N4BP1: variants seen among roughly 807,000 people sequenced by gnomAD.
N4BP1 encodes NEDD4-binding protein 1.
In N4BP1, 21 loss-of-function variants were observed where a neutral mutation model predicts 70.9. That is an observed-to-expected ratio of 0.30 (90% CI 0.21 to 0.43). The LOEUF (loss-of-function observed/expected upper bound fraction) is 0.43, where lower values mean the gene tolerates loss of function less well. Ranked by LOEUF, N4BP1 falls within the 20% of genes least tolerant of loss-of-function variation. The pLI is 1.00. For missense variants in N4BP1, 936 were observed against 1,069.4 expected (o/e 0.88, Z 1.74); for synonymous variants, 387 against 394.6 (o/e 0.98, Z 0.23).
chr16:48,604,984 T>TC (rs1267804159), intron 1 of N4BP1, among the ~76,000 whole-genome samples: 1 of 151,354 alleles, frequency 6.6e-6, no homozygotes, highest in Non-Finnish European at 1.5e-5. Flanking sequence ...CCCTGCCTGG[T>TC]CCCAGGAAGC....
intron 1 of N4BP1, among the ~76,000 whole-genome samples, chr16:48,599,975 T>C (rs1964472447): frequency 6.6e-6 from 1 of 152,244 alleles, no homozygotes; most frequent in African/African-American, 2.4e-5. Context: ...GTTTCTATTA[T>C]TGCAGGCAAA....
chr16:48,547,822 C>A (rs1039201666), intron 5 of N4BP1, among the ~76,000 whole-genome samples, 185 bp downstream of exon 5: 4 of 152,204 alleles, frequency 2.6e-5, no homozygotes, highest in African/African-American at 9.6e-5. Flanking sequence ...TGCTGGGCCC[C>A]CGCTTACCTG....
At chr16:48,600,976 T>TA (rs1279884767) in intron 1 of N4BP1, among the ~76,000 whole-genome samples, 1 of 152,248 alleles carries the variant, frequency 6.6e-6, no homozygotes, top group African/African-American at 2.4e-5. Context: ...TGGCTAGTGA[T>TA]ATATAAAATA....
chr16:48,582,706 T>C lies in N4BP1; in HGVS notation c.199-20262A>G, dbSNP rs187418185. 2.9e-3 allele frequency among the ~76,000 whole-genome samples: 440 copies of C among 152,250 alleles called. 1 individual carries two copies. Among genetic ancestry groups the C allele is most frequent in the Non-Finnish European group, 5.6e-3 (379 of 68,008 alleles). ...TATCTACGTATAGGAAAAAAAACGT[T>C]GTATATATAGGACTCGGTACCATCC... is the stretch of plus-strand genomic sequence containing the variant. On this transcript the variant is annotated intron_variant, in intron 1 of 6. Transcript: ENST00000262384.
chr16:48,545,475 G>A (rs1244000036), intron 6 of N4BP1, among the ~76,000 whole-genome samples: 1 of 151,382 alleles, frequency 6.6e-6, no homozygotes, highest in African/African-American at 2.4e-5. Flanking sequence ...CTACTTGGGA[G>A]GCTGAGGCAG....
intron 1 of N4BP1, among the ~76,000 whole-genome samples, chr16:48,609,048 CAAAA>C (rs746386089): frequency 3.3e-5 from 4 of 121,778 alleles, no homozygotes; most frequent in Non-Finnish European, 5.4e-5. Flanking sequence ...AATCCCCTAC[CAAAA>C]AAAAAAAAAA....
intron 1 of N4BP1, among the ~76,000 whole-genome samples, chr16:48,581,116 G>C (rs1221296605): frequency 6.6e-6 from 1 of 151,920 alleles, no homozygotes; most frequent in Non-Finnish European, 1.5e-5. Flanking sequence ...GGAATGCAAG[G>C]ATGGCTGAAC....
At chr16:48,557,505 T>C (rs1387721773) in intron 2 of N4BP1, among the ~76,000 whole-genome samples, 1 of 152,210 alleles carries the variant, frequency 6.6e-6, no homozygotes, top group Non-Finnish European at 1.5e-5. Flanking sequence ...TTTTTAAAAA[T>C]ACAGTGCCTG....
Position 48,562,394 on chromosome 16 carries a change from G to A in N4BP1, c.249C>T (p.Tyr83=), listed in dbSNP as rs1354537046. The part of the protein sequence containing the change: ...CEPELEEREC[Y]PKDMHCIFVG... Reference sequence around the variant, plus strand: ...CAAAAATGCAGTGCATGTCCTTGGGGTAACATTCTCTTTCTTCTAGTTCAG... The same window carrying A: ...CAAAAATGCAGTGCATGTCCTTGGGATAACATTCTCTTTCTTCTAGTTCAG... The change falls in exon 2 of 7, where the codon TAC becomes TAT. Residue 83 remains tyrosine, a synonymous_variant. Transcript: ENST00000262384. 1 of 1,612,992 alleles carries A rather than the reference G, an allele frequency of 6.2e-7. No homozygotes were observed. Among genetic ancestry groups the A allele is most frequent in the African/African-American group, 1.3e-5 (1 of 74,850 alleles).
Position 48,542,752 on chromosome 16 carries a change from C to T in N4BP1, c.*152G>A, listed in dbSNP as rs562047580. 45 of 635,496 alleles carry T rather than the reference C, an allele frequency of 7.1e-5. 1 individual carries two copies. The South Asian group carries it at 1.6e-3, about 22-fold the overall frequency. The allele number at this position is 635,496 out of a possible 1,614,324, so 39.4% of individuals were successfully genotyped here. A position where few individuals can be genotyped will look rare whatever the true frequency, so the allele number is the denominator to read the frequency against. On this transcript the variant is annotated 3_prime_UTR_variant, in exon 7 of 7. Coordinates refer to ENST00000262384, the MANE Select transcript of N4BP1 (RefSeq NM_153029.4). ...TAGAAAAAAGCTGGTTTTGAAAACC[C>T]AGATTTATACCCAAAACATTTTTTT...
chr16:48,602,226 A>C (rs1964512563), intron 1 of N4BP1, among the ~76,000 whole-genome samples: 1 of 152,208 alleles, frequency 6.6e-6, no homozygotes, highest in African/African-American at 2.4e-5. Context: ...CCTGTCTCAA[A>C]AAACAAACAA....
At chr16:48,568,823 G>A (rs749832756) in intron 1 of N4BP1, among the ~76,000 whole-genome samples, 56 of 152,122 alleles carry the variant, frequency 3.7e-4, no homozygotes, top group Non-Finnish European at 5.7e-4. Flanking sequence ...TGATTTTTAC[G>A]TTCTCAGTTT....
chr16:48,561,767 T>G lies in N4BP1; in HGVS notation c.876A>C (p.Glu292Asp), dbSNP rs756504966. Residue 292 changes from glutamate to aspartate, a missense_variant, in exon 2 of 7, where the codon GAA (glutamate) becomes GAC (aspartate). Transcript: ENST00000262384. The part of the protein sequence containing the change: ...CQKRRFSDSE[E>D]RHTKKQFSLE... ...AAGAAAACTGCTTCTTCGTATGCCT[T>G]TCTTCAGAATCAGAAAATCTCCTTT... 2 of 1,612,822 alleles carry G rather than the reference T, an allele frequency of 1.2e-6. No individual in the cohort carries two copies. The highest frequency in any genetic ancestry group is 1.7e-5 in the Admixed American group (1 of 60,010).
rs964100540 is a variant in N4BP1, at chr16:48,540,940, A to C, written c.*1964T>G. ...AACTGATGAAGGCAACCAATGAGCA[A>C]TCCTTCCTTCCCATAGCCGAGAAAG... is the stretch of plus-strand genomic sequence containing the variant. On this transcript the variant is annotated 3_prime_UTR_variant, in exon 7 of 7. Coordinates refer to ENST00000262384, the MANE Select transcript of N4BP1 (RefSeq NM_153029.4). 6.6e-6 allele frequency: 1 copy of C among 152,244 alleles called. No homozygotes were observed. Among genetic ancestry groups the C allele is most frequent in the East Asian group, 1.9e-4 (1 of 5,194 alleles). The allele number at this position is 152,244 out of a possible 1,614,324, so 9.4% of individuals were successfully genotyped here.
intron 6 of N4BP1, among the ~76,000 whole-genome samples, chr16:48,544,046 G>A (rs943458043): frequency 6.6e-5 from 10 of 152,224 alleles, no homozygotes; most frequent in Non-Finnish European, 1.2e-4. Flanking sequence ...GGACCTGATT[G>A]ATGCTCTGAC....
At chr16:48,567,285 A>G (rs1424368044) in intron 1 of N4BP1, among the ~76,000 whole-genome samples, 1 of 152,128 alleles carries the variant, frequency 6.6e-6, no homozygotes, top group Non-Finnish European at 1.5e-5. Flanking sequence ...CTTTTGCATT[A>G]TACAAACACT....
chr16:48,562,075 T>TA lies in N4BP1; in HGVS notation c.567_568insT (p.Thr190TyrfsTer4). Reference sequence around the variant, plus strand: ...TCAAAGAGATTCTCCTCACCTTGTGTGAGTGTCAAAAGTTCTTTTTTCAAG... The same window carrying TA: ...TCAAAGAGATTCTCCTCACCTTGTGTAGAGTGTCAAAAGTTCTTTTTTCAAG... On this transcript the variant is annotated frameshift_variant, in exon 2 of 7. Coordinates refer to ENST00000262384, the MANE Select transcript of N4BP1 (RefSeq NM_153029.4). LOFTEE classifies it high-confidence loss of function. The TA allele has an allele frequency of 6.2e-7, 1 of 1,613,848 alleles. No homozygotes were observed. Among genetic ancestry groups the TA allele is most frequent in the Non-Finnish European group, 8.5e-7 (1 of 1,179,874 alleles).
chr16:48,543,672 G>A (rs1282155787), intron 6 of N4BP1, among the ~76,000 whole-genome samples: 2 of 152,186 alleles, frequency 1.3e-5, no homozygotes, highest in Non-Finnish European at 2.9e-5. Context: ...CTTTTGGGGA[G>A]AGTGGCAGTC....
At chr16:48,582,779 T>C (rs549505238) in intron 1 of N4BP1, among the ~76,000 whole-genome samples, 145 of 152,294 alleles carry the variant, frequency 9.5e-4, no homozygotes, top group African/African-American at 3.2e-3. Flanking sequence ...CCCCAGCAGA[T>C]AAGGGGGACC....
Sources: gnomAD v4.1 joint callset for allele counts (sites outside exome capture counted in the v4.1 genomes callset) on GRCh38, gnomAD v4.1.1 for gene constraint, MANE v1.5 for transcripts, NCBI Gene and HGNC (gene_info 2026-07-23, HGNC 2026-07-21) for gene names.